Variants in STK33 observed in about 807,000 individuals in gnomAD.
STK33 encodes the protein serine/threonine-protein kinase 33.
Under a neutral mutation model 58.0 loss-of-function variants are expected in STK33, and 52 were observed. The observed-to-expected ratio is 0.90, with a 90% CI of 0.72 to 1.13. The LOEUF (loss-of-function observed/expected upper bound fraction) is 1.13, where lower values mean the gene tolerates loss of function less well. Ranked by LOEUF, STK33 falls within the 50% of genes most tolerant of loss-of-function variation. The pLI is 0.00. For missense variants in STK33, 630 were observed against 604.2 expected (o/e 1.04, Z -0.45); for synonymous variants, 215 against 200.1 (o/e 1.07, Z -0.63).
Position 8,436,157 on chromosome 11 carries a change from A to G in STK33, c.948-18T>C. ...CACGTAATCTGCAACAAAGGCAATC[A>G]CTTTGTTTAAATTTTTTAAATAATA... is the stretch of plus-strand genomic sequence containing the variant. On this transcript the variant is annotated intron_variant, in intron 12 of 15. Coordinates refer to ENST00000687296, the MANE Select transcript of STK33 (RefSeq NM_001352389.2). 7.0e-7 allele frequency: 1 copy of G among 1,427,728 alleles called. No homozygotes were observed. The highest frequency in any genetic ancestry group is 9.5e-7 in the Non-Finnish European group (1 of 1,053,068). The allele number at this position is 1,427,728 out of a possible 1,614,324, so 88.4% of individuals were successfully genotyped here. A position where few individuals can be genotyped will look rare whatever the true frequency, so the allele number is the denominator to read the frequency against.
chr11:8,413,770 G>T, intron 14 of STK33, 78 bp from the exon 15 acceptor site: 1 of 1,298,528 alleles, frequency 7.7e-7, no homozygotes, highest in Non-Finnish European at 1.1e-6. Flanking sequence ...TAGCGAGACA[G>T]TCTCCCAAAT....
intron 1 of STK33, among the ~76,000 whole-genome samples, chr11:8,544,813 A>G (rs911116487): frequency 4.6e-5 from 7 of 152,208 alleles, no homozygotes; most frequent in African/African-American, 1.7e-4. Flanking sequence ...TCAATTATAA[A>G]TGTTTACACA....
intron 14 of STK33, among the ~76,000 whole-genome samples, chr11:8,424,982 C>T (rs12269806): frequency 0.5 from 57,886 of 115,254 alleles, 15,782 homozygotes; most frequent in South Asian, 0.61. Flanking sequence ...AGAAGCTCTT[C>T]AGTTTAATTA....
intron 14 of STK33, among the ~76,000 whole-genome samples, chr11:8,426,426 G>C (rs1240118264): frequency 6.6e-6 from 1 of 152,170 alleles, no homozygotes; most frequent in African/African-American, 2.4e-5. Flanking sequence ...GGGTGGTCTT[G>C]GAAAATGCAA....
intron 14 of STK33, among the ~76,000 whole-genome samples, chr11:8,424,453 G>A (rs1942423501): frequency 6.6e-6 from 1 of 151,260 alleles, no homozygotes; most frequent in Non-Finnish European, 1.5e-5. Flanking sequence ...AAACATACGT[G>A]TGCATGTGTC....
chr11:8,474,684 A>G lies in STK33; in HGVS notation c.222T>C (p.Asp74=), dbSNP rs1417323194. Residue 74 remains aspartate (D), a synonymous_variant, in exon 5 of 16, where the codon GAT becomes GAC. Transcript: ENST00000687296. ...ATGTGGAATCTTTGATATTTACCAA[A>G]TCTTTCCTGGAGGTTATATCTCTGT... The part of the protein sequence containing the change: ...NINRDITSRK[D]LPSRTSNVER... 1 of 1,600,948 alleles carries G rather than the reference A, an allele frequency of 6.2e-7. No homozygotes were observed.
the STK33 span, among the ~76,000 whole-genome samples, chr11:8,369,295 C>CTGTGTGTGTGTGTGTGTGTGTG: frequency 1.3e-4 from 18 of 137,748 alleles, no homozygotes; most frequent in Middle Eastern, 3.7e-3. Flanking sequence ...GGTTTTTACT[C>CTGTGTGTGTGTGTGTGTGTGTG]TGTGTGTGTG....
At chr11:8,376,557 T>C in the STK33 span, among the ~76,000 whole-genome samples, 55 of 152,154 alleles carry the variant, frequency 3.6e-4, no homozygotes, top group African/African-American at 1.3e-3. Context: ...TTCTTTTTTT[T>C]TTTTAGATGG....
chr11:8,495,321 T>A (rs1271488459), intron 1 of STK33, among the ~76,000 whole-genome samples: 5 of 152,088 alleles, frequency 3.3e-5, no homozygotes, highest in Admixed American at 6.6e-5. Flanking sequence ...GAAGACATTT[T>A]TGCAGCCAAC....
chr11:8,421,425 C>T (rs573307272), intron 14 of STK33, among the ~76,000 whole-genome samples: 20 of 152,150 alleles, frequency 1.3e-4, no homozygotes, highest in Non-Finnish European at 2.2e-4. Context: ...TTCCATACGA[C>T]GACTGTCAGA....
At chr11:8,537,318 G>A (rs1273714590) in intron 1 of STK33, among the ~76,000 whole-genome samples, 1 of 151,836 alleles carries the variant, frequency 6.6e-6, no homozygotes, top group Non-Finnish European at 1.5e-5. Context: ...TGAAACCCCT[G>A]GCCTCAAGTG....
Position 8,474,879 on chromosome 11 carries a change from T to C in STK33, c.27A>G (p.Lys9=), listed in dbSNP as rs942000273. 6.3e-7 allele frequency: 1 copy of C among 1,589,732 alleles called. No individual in the cohort carries two copies. The part of the protein sequence containing the change: MADSGLDK[K]STKCPDCSSA... ...ATGAACAGTCGGGGCATTTTGTGGA[T>C]TTTTTATCTAAGCCACTATCAGCCA... Residue 9 remains lysine (K), a synonymous_variant, in exon 5 of 16, where the codon AAA becomes AAG. Transcript: ENST00000687296.
intron 15 of STK33, among the ~76,000 whole-genome samples, chr11:8,401,298 C>A (rs1000989806): frequency 2.6e-5 from 4 of 152,028 alleles, no homozygotes; most frequent in African/African-American, 9.7e-5. Flanking sequence ...AGAACAGAGC[C>A]CTCAGAAATA....
chr11:8,487,723 T>C (rs1327968919), intron 1 of STK33, among the ~76,000 whole-genome samples: 1 of 152,138 alleles, frequency 6.6e-6, no homozygotes, highest in Non-Finnish European at 1.5e-5. Flanking sequence ...TAAAAAATTA[T>C]ATTTAAAAGT....
intron 1 of STK33, among the ~76,000 whole-genome samples, chr11:8,545,355 G>A (rs1000196685): frequency 7.9e-5 from 12 of 152,102 alleles, no homozygotes; most frequent in African/African-American, 2.9e-4. Flanking sequence ...AAATAGAAAT[G>A]ACAGCACCAT....
intron 1 of STK33, among the ~76,000 whole-genome samples, chr11:8,565,170 C>A (rs1304154472): frequency 1.3e-5 from 2 of 152,010 alleles, no homozygotes; most frequent in Non-Finnish European, 2.9e-5. Flanking sequence ...AAAAAAATAA[C>A]AAAGTAGTGA....
intron 1 of STK33, among the ~76,000 whole-genome samples, chr11:8,494,002 G>A (rs1950852882): frequency 6.6e-6 from 1 of 152,134 alleles, no homozygotes; most frequent in African/African-American, 2.4e-5. Context: ...TACTGAATGG[G>A]CAAAAACTGG....
At chr11:8,552,266 G>T (rs1251438400) in intron 1 of STK33, among the ~76,000 whole-genome samples, 2 of 152,206 alleles carry the variant, frequency 1.3e-5, no homozygotes, top group Non-Finnish European at 2.9e-5. Flanking sequence ...TCTCGATCCT[G>T]TGAGTCTATG....
At chr11:8,419,013 GC>G (rs1941531648) in intron 14 of STK33, among the ~76,000 whole-genome samples, 1 of 151,862 alleles carries the variant, frequency 6.6e-6, no homozygotes. Flanking sequence ...TGCATAGTTT[GC>G]AAATATTTTC....
Sources: allele counts gnomAD v4.1 joint callset (sites outside exome capture counted in the v4.1 genomes callset), GRCh38; gene constraint gnomAD v4.1.1; transcripts MANE v1.5; gene names NCBI Gene and HGNC (gene_info 2026-07-23, HGNC 2026-07-21).